The following MRC1 variants were observed in gnomAD, a reference collection of about 807,000 sequenced individuals.
The protein encoded by MRC1 is mannose receptor C-type 1, also known as macrophage mannose receptor 1.
Under a neutral mutation model 102.9 loss-of-function variants are expected in MRC1, and 62 were observed. The observed-to-expected ratio is 0.60, with a 90% CI of 0.49 to 0.74. The LOEUF (loss-of-function observed/expected upper bound fraction) is 0.74, where lower values mean the gene tolerates loss of function less well. Among genes scored for constraint, MRC1 ranks in the 30% least tolerant of loss-of-function variants. MRC1 has a pLI of 0.00. For synonymous variants in MRC1, 457 were observed against 298.4 expected (o/e 1.53, Z -5.48); for missense variants, 1,237 against 862.8 (o/e 1.43, Z -5.43).
intron 12 of MRC1, among the ~76,000 whole-genome samples, chr10:17,867,080 C>A (rs1305613833): frequency 1.3e-5 from 2 of 148,970 alleles, no homozygotes; most frequent in Non-Finnish European, 3.0e-5. Context: ...TCCATTCCCC[C>A]CTTGCCCTCT....
intron 12 of MRC1, among the ~76,000 whole-genome samples, chr10:17,867,310 TTCC>T (rs1833286127): frequency 2.9e-5 from 4 of 137,768 alleles, no homozygotes; most frequent in African/African-American, 5.0e-5. Context: ...TTCTTCCTTC[TTCC>T]TCCTTCCTTC....
At chr10:17,860,256 T>C (rs1170127222) in intron 9 of MRC1, among the ~76,000 whole-genome samples, 1 of 150,520 alleles carries the variant, frequency 6.6e-6, no homozygotes, top group Non-Finnish European at 1.5e-5. Context: ...TATTGTTATG[T>C]TTTTATTTAG....
At chr10:17,841,711 T>C (rs1025259768) in intron 5 of MRC1, among the ~76,000 whole-genome samples, 1 of 150,402 alleles carries the variant, frequency 6.6e-6, no homozygotes. Flanking sequence ...ATAAATTCAA[T>C]CCCCACCCCT....
At chr10:17,891,388 G>C (rs1172343846) in intron 22 of MRC1, among the ~76,000 whole-genome samples, 1 of 151,900 alleles carries the variant, frequency 6.6e-6, no homozygotes, top group African/African-American at 2.4e-5. Flanking sequence ...GGATGCTCTC[G>C]ACCTCCTGAC....
chr10:17,883,425 A>G lies in MRC1; in HGVS notation c.2981-1844A>G, dbSNP rs1833545720. On this transcript the variant is annotated intron_variant, in intron 21 of 29. Transcript: ENST00000569591. ...ATTACAGATGTGAGCCACCATATCT[A>G]GCTGTACTCATGCTGCTTTTTCTTT... is the stretch of plus-strand genomic sequence containing the variant. Among the ~76,000 whole-genome samples, 4 of 129,920 alleles carry G rather than the reference A, an allele frequency of 3.1e-5. No homozygotes were observed. The South Asian group carries it at 1.2e-3, about 38-fold the overall frequency. The allele number at this position is 129,920 out of a possible 152,430, so 85.2% of individuals were successfully genotyped here. A position where few individuals can be genotyped will look rare whatever the true frequency, so the allele number is the denominator to read the frequency against.
chr10:17,820,437 G>A (rs935474664), intron 1 of MRC1, among the ~76,000 whole-genome samples: 2 of 151,870 alleles, frequency 1.3e-5, no homozygotes, highest in East Asian at 3.9e-4. Flanking sequence ...TAAAAATTAG[G>A]CATATAAAAG....
At chr10:17,904,521 C>T (rs1470249415) in intron 26 of MRC1, among the ~76,000 whole-genome samples, 1 of 152,152 alleles carries the variant, frequency 6.6e-6, no homozygotes, top group Admixed American at 6.5e-5. Context: ...TTCTCTCTCA[C>T]AGATTTTAAG....
intron 1 of MRC1, among the ~76,000 whole-genome samples, chr10:17,812,964 G>C (rs1319914242): frequency 6.6e-6 from 1 of 152,130 alleles, no homozygotes; most frequent in Non-Finnish European, 1.5e-5. Context: ...GGGTCAGGTA[G>C]TATCATGAAA....
At chr10:17,906,090 G>T (rs1833891069) in intron 26 of MRC1, among the ~76,000 whole-genome samples, 2 of 151,564 alleles carry the variant, frequency 1.3e-5, no homozygotes, top group Non-Finnish European at 1.5e-5. Context: ...GCTTTGAATG[G>T]TCCTATACAT....
At chr10:17,865,646 G>A (rs1424572703) in intron 11 of MRC1, among the ~76,000 whole-genome samples, 1 of 152,204 alleles carries the variant, frequency 6.6e-6, no homozygotes, top group African/African-American at 2.4e-5. Context: ...TGAGCATCAG[G>A]TCAACTGAAT....
In MRC1 at chr10:17,853,109, G is replaced by C. The variant is rs1838941291; in HGVS notation, c.1392G>C (p.Val464=). 3.8e-6 allele frequency: 3 copies of C among 780,664 alleles called. No homozygotes were observed. In the South Asian group the frequency reaches 4.0e-5, roughly 10 times the overall value. The allele number at this position is 780,664 out of a possible 1,614,324, so 48.4% of individuals were successfully genotyped here. ...AAAACAACAGACAGGAGGATTGTGTGGTGATGAAAGGCAAGGTAAGGCCAC... is the reference window on the plus strand; with the variant it reads ...AAAACAACAGACAGGAGGATTGTGTCGTGATGAAAGGCAAGGTAAGGCCAC... ...SHENNRQEDC[V]VMKGKDGYWA... is the part of the protein sequence containing the mutation. The change falls in exon 8 of 30, where the codon GTG becomes GTC. Residue 464 remains valine, a synonymous_variant. Transcript: ENST00000569591.
rs1455743769 is a variant in MRC1 at position 17,859,573 on chromosome 10, C to T, written c.1519-1814C>T. Among the ~76,000 whole-genome samples, 9 of 152,180 alleles carry T rather than the reference C, an allele frequency of 5.9e-5. No individual in the cohort carries two copies. In the East Asian group the frequency reaches 1.5e-3, roughly 26 times the overall value. On this transcript the variant is annotated intron_variant, in intron 9 of 29. Transcript: ENST00000569591. ...CCTCAAGTGACCCACCTGCTTCGTCCTTCCAAAGTGTTGGGGTTACAGGTG... is the reference window on the plus strand; with the variant it reads ...CCTCAAGTGACCCACCTGCTTCGTCTTTCCAAAGTGTTGGGGTTACAGGTG...
chr10:17,853,493 A>G (rs1317311385), intron 8 of MRC1, among the ~76,000 whole-genome samples: 1 of 152,118 alleles, frequency 6.6e-6, no homozygotes, highest in Non-Finnish European at 1.5e-5. Flanking sequence ...AGCCATATAT[A>G]TGATTATGCA....
In MRC1 at chr10:17,870,820, T is replaced by C. The variant is rs931971389; in HGVS notation, c.2112-28T>C. 1.7e-4 allele frequency: 150 copies of C among 872,020 alleles called. 3 individuals are homozygous for C. In the South Asian group the frequency reaches 1.9e-3, roughly 11 times the overall value. 54.0% of individuals were successfully genotyped at this position (872,020 alleles called of 1,614,324 possible). On this transcript the variant is annotated intron_variant, in intron 13 of 29. Coordinates refer to ENST00000569591, the MANE Select transcript of MRC1 (RefSeq NM_002438.4). ...TGAACTTGCTTCATGCAATAGCATA[T>C]GCTTTCTTTATGTTTTGGATTTCAT... is the stretch of plus-strand genomic sequence containing the variant.
intron 26 of MRC1, among the ~76,000 whole-genome samples, chr10:17,904,491 C>A (rs1833870808): frequency 6.6e-6 from 1 of 152,086 alleles, no homozygotes; most frequent in Admixed American, 6.6e-5. Context: ...GTGTTAAGAT[C>A]CCTGTACATG....
intron 11 of MRC1, among the ~76,000 whole-genome samples, chr10:17,864,558 G>C (rs1424001139): frequency 6.6e-6 from 1 of 152,044 alleles, no homozygotes; most frequent in African/African-American, 2.4e-5. Flanking sequence ...GTCGGCCGCG[G>C]TGGCTCATGC....
chr10:17,893,010 GAA>G (rs1208089477), intron 22 of MRC1, among the ~76,000 whole-genome samples: 3 of 135,494 alleles, frequency 2.2e-5, no homozygotes, highest in South Asian at 2.4e-4. Context: ...CTCCATCTAG[GAA>G]AAAAAAAAAA....
At chr10:17,867,400 T>TCTCCTTCTC (rs201318561) in intron 12 of MRC1, among the ~76,000 whole-genome samples, 1 of 148,156 alleles carries the variant, frequency 6.7e-6, no homozygotes, top group African/African-American at 2.5e-5. Flanking sequence ...TTCTTCTCCT[T>TCTCCTTCTC]CTTCTTCTTC....
At chr10:17,827,841 C>T (rs946576197) in intron 3 of MRC1, 126 bp downstream of exon 3, 37 of 711,922 alleles carry the variant, frequency 5.2e-5, no homozygotes, top group Non-Finnish European at 8.1e-5. Flanking sequence ...ATTGTACCTA[C>T]TACAGCCCTT....
Sources: allele counts gnomAD v4.1 joint callset (sites outside exome capture counted in the v4.1 genomes callset), GRCh38; gene constraint gnomAD v4.1.1; transcripts MANE v1.5; gene names NCBI Gene and HGNC (gene_info 2026-07-23, HGNC 2026-07-21).